DLGAP1: variants seen among roughly 807,000 people sequenced by gnomAD.
DLGAP1 encodes the protein DLG associated protein 1.
Under a neutral mutation model 90.8 loss-of-function variants are expected in DLGAP1, and 11 were observed. The ratio of observed to expected loss-of-function variants is 0.12; its 90% CI spans 0.08 to 0.20. The LOEUF (loss-of-function observed/expected upper bound fraction) is 0.20. Ranked by LOEUF, DLGAP1 falls within the 10% of genes least tolerant of loss-of-function variation. The pLI is 1.00. For synonymous variants in DLGAP1, 558 were observed against 540.7 expected, an observed-to-expected ratio of 1.03 and a Z score of -0.44; for missense variants, 1,050 against 1,333.8, an observed-to-expected ratio of 0.79 and a Z score of 3.31.
At chr18:4,387,923 TCACACATACACACACA>T (rs1170117284) in intron 1 of DLGAP1, among the ~76,000 whole-genome samples, 6 of 33,666 alleles carry the variant, frequency 1.8e-4, no homozygotes, top group Non-Finnish European at 2.6e-4. Context: ...AGAGACTCCA[TCACACATACACACACA>T]CACACACACA....
chr18:4,307,494 CA>C (rs1284376679), intron 1 of DLGAP1, among the ~76,000 whole-genome samples: 1 of 152,090 alleles, frequency 6.6e-6, no homozygotes, highest in Non-Finnish European at 1.5e-5. Flanking sequence ...AAATGCCACA[CA>C]ATATTCTAGG....
intron 8 of DLGAP1, among the ~76,000 whole-genome samples, chr18:3,572,211 G>A (rs80032639): frequency 0.069 from 10,376 of 150,820 alleles, 527 homozygotes; most frequent in African/African-American, 0.13. Flanking sequence ...CCCGGTTTCC[G>A]CTAGAATTTT....
chr18:3,670,609 C>G (rs1598284688), intron 7 of DLGAP1, among the ~76,000 whole-genome samples: 2 of 120,948 alleles, frequency 1.7e-5, no homozygotes, highest in South Asian at 4.3e-4. Context: ...TGATTATTCT[C>G]TAAGCCTAAA....
At chr18:3,556,187 T>C (rs749832009) in intron 9 of DLGAP1, among the ~76,000 whole-genome samples, 6 of 152,270 alleles carry the variant, frequency 3.9e-5, no homozygotes, top group Admixed American at 2.0e-4. Context: ...GAGCACAAAG[T>C]AGGGAACTCC....
At chr18:4,100,504 A>G (rs1370456079) in intron 2 of DLGAP1, among the ~76,000 whole-genome samples, 1 of 152,218 alleles carries the variant, frequency 6.6e-6, no homozygotes, top group Non-Finnish European at 1.5e-5. Flanking sequence ...TAAAGGCCTT[A>G]AGATATTCAG....
intron 7 of DLGAP1, among the ~76,000 whole-genome samples, chr18:3,686,950 T>C (rs1386769965): frequency 2.0e-5 from 3 of 152,148 alleles, no homozygotes; most frequent in Admixed American, 6.5e-5. Flanking sequence ...AATGTCATCA[T>C]GGGGTCCTTG....
chr18:3,521,750 G>A (rs1466358143), intron 10 of DLGAP1, among the ~76,000 whole-genome samples: 1 of 152,104 alleles, frequency 6.6e-6, no homozygotes, highest in African/African-American at 2.4e-5. Context: ...CTCTTTGATG[G>A]CCTAGACTGT....
At chr18:3,823,978 A>AT (rs2067570794) in intron 4 of DLGAP1, among the ~76,000 whole-genome samples, 2 of 141,514 alleles carry the variant, frequency 1.4e-5, no homozygotes, top group East Asian at 4.0e-4. Flanking sequence ...AAAAAAAAAA[A>AT]TAGAGGTCTA....
At chr18:4,405,224 A>T (rs757817870) in intron 1 of DLGAP1, among the ~76,000 whole-genome samples, 1 of 152,208 alleles carries the variant, frequency 6.6e-6, no homozygotes, top group Non-Finnish European at 1.5e-5. Flanking sequence ...AAGCAGGAGT[A>T]TTAATGCCAT....
chr18:4,254,079 C>G (rs1319357455), intron 1 of DLGAP1, among the ~76,000 whole-genome samples: 2 of 152,098 alleles, frequency 1.3e-5, no homozygotes, highest in Non-Finnish European at 1.5e-5. Flanking sequence ...TTTTATTCTC[C>G]CACATTGTAC....
At chr18:4,118,262 CCT>C (rs2076094857) in intron 2 of DLGAP1, among the ~76,000 whole-genome samples, 1 of 152,160 alleles carries the variant, frequency 6.6e-6, no homozygotes, top group South Asian at 2.1e-4. Context: ...CTGAGATCTG[CCT>C]CTTTGGCCTG....
chr18:3,661,573 T>G (rs1318463071), intron 7 of DLGAP1, among the ~76,000 whole-genome samples: 1 of 73,598 alleles, frequency 1.4e-5, no homozygotes, highest in Non-Finnish European at 2.5e-5. Context: ...TGTAAGGTCT[T>G]TTTTTTTTTT....
chr18:3,836,574 C>T (rs1018263415), intron 4 of DLGAP1, among the ~76,000 whole-genome samples: 7 of 152,082 alleles, frequency 4.6e-5, no homozygotes, highest in African/African-American at 1.2e-4. Context: ...TTGCACTTTT[C>T]GACCCTCCTA....
intron 3 of DLGAP1, among the ~76,000 whole-genome samples, chr18:3,924,385 T>TC (rs1334533617): frequency 6.6e-6 from 1 of 152,128 alleles, no homozygotes; most frequent in African/African-American, 2.4e-5. Flanking sequence ...CTCCACTTCC[T>TC]CCCCCACTGC....
intron 1 of DLGAP1, among the ~76,000 whole-genome samples, chr18:4,258,515 T>C (rs2078942451): frequency 6.6e-6 from 1 of 152,052 alleles, no homozygotes; most frequent in South Asian, 2.1e-4. Flanking sequence ...ACATACGTGC[T>C]TATGTGAAAA....
intron 1 of DLGAP1, among the ~76,000 whole-genome samples, chr18:4,379,639 A>C (rs1270108934): frequency 1.3e-5 from 2 of 152,152 alleles, no homozygotes; most frequent in Non-Finnish European, 2.9e-5. Context: ...AATGCCTTTG[A>C]TAGACTATAA....
chr18:3,777,137 A>G (rs2064973383), intron 5 of DLGAP1, among the ~76,000 whole-genome samples: 1 of 152,220 alleles, frequency 6.6e-6, no homozygotes, highest in African/African-American at 2.4e-5. Flanking sequence ...ATATATGCTT[A>G]TAAAAGCAAA....
chr18:4,276,942 A>G (rs1317087256), intron 1 of DLGAP1, among the ~76,000 whole-genome samples: 1 of 152,370 alleles, frequency 6.6e-6, no homozygotes, highest in East Asian at 1.9e-4. Context: ...ATATGCATAC[A>G]TATTGGTTCC....
At chr18:4,290,567 G>C (rs1255630801) in intron 1 of DLGAP1, among the ~76,000 whole-genome samples, 1 of 152,152 alleles carries the variant, frequency 6.6e-6, no homozygotes, top group East Asian at 1.9e-4. Context: ...AGTTCAGTCT[G>C]TCTCGAGTCA....
Sources: allele counts gnomAD v4.1 joint callset (sites outside exome capture counted in the v4.1 genomes callset), GRCh38; gene constraint gnomAD v4.1.1; transcripts MANE v1.5; gene names NCBI Gene and HGNC (gene_info 2026-07-23, HGNC 2026-07-21).